Variants in ZMIZ2 observed in about 807,000 individuals in gnomAD.
ZMIZ2 encodes the protein zinc finger MIZ domain-containing protein 2.
In ZMIZ2, 26 loss-of-function variants were observed where a neutral mutation model predicts 93.9. The ratio of observed to expected loss-of-function variants is 0.28; its 90% CI spans 0.20 to 0.38. The LOEUF is 0.38. Among genes scored for constraint, ZMIZ2 ranks in the 10% least tolerant of loss-of-function variants. The pLI is 1.00. For synonymous variants in ZMIZ2, 485 were observed against 516.4 expected, an observed-to-expected ratio of 0.94 and a Z score of 0.82; for missense variants, 1,023 against 1,235.0, an observed-to-expected ratio of 0.83 and a Z score of 2.57.
chr7:44,748,730 C>G (rs1789840768), upstream of ZMIZ2: 1 of 150,414 alleles, frequency 6.6e-6, no homozygotes, highest in Non-Finnish European at 1.5e-5. Flanking sequence ...TTGGGCCGCT[C>G]GGGCTCGCGG....
intron 11 of ZMIZ2, among the ~76,000 whole-genome samples, chr7:44,762,201 T>C (rs1163859150): frequency 1.3e-5 from 2 of 152,238 alleles, no homozygotes; most frequent in East Asian, 3.8e-4. Context: ...GTTACTGCCT[T>C]GTATTTCTAT....
At position 44,761,651 on chromosome 7, in the gene ZMIZ2, T is replaced by C; in HGVS notation, c.1386-44T>C. The C allele has an allele frequency of 6.2e-7, 1 of 1,613,200 alleles. No homozygotes were observed. The highest frequency in any genetic ancestry group is 8.5e-7 in the Non-Finnish European group (1 of 1,179,558). ...CGAGGCTCTGTTCCTCCTCCCACAC[T>C]CTCAGGGCCCGTTTTCTGGGTGTCC... On this transcript the variant is annotated intron_variant, in intron 10 of 18. Coordinates refer to ENST00000309315, the MANE Select transcript of ZMIZ2 (RefSeq NM_031449.4). This position sits in a 1 kb window ranked among gnomAD's most constrained non-coding sequence, Gnocchi z 5.8.
chr7:44,759,001 G>A lies in ZMIZ2; in HGVS notation c.814-280G>A, dbSNP rs548818829. ...GGAGGCTGAGGCAGGAGAATTGCTT[G>A]AACCCAGGAGGTGGAGGCTGCAGTG... On this transcript the variant is annotated intron_variant, in intron 6 of 18. Transcript: ENST00000309315. Among the ~76,000 whole-genome samples the A allele has an allele frequency of 7.5e-5, 11 of 147,530 alleles. No homozygotes were observed. The South Asian group carries it at 1.8e-3, about 24-fold the overall frequency.
In ZMIZ2 at chr7:44,761,731, C is replaced by G; in HGVS notation, c.1422C>G (p.His474Gln). The G allele has an allele frequency of 6.2e-7, 1 of 1,614,130 alleles. No homozygotes were observed. The highest frequency in any genetic ancestry group is 1.3e-5 in the African/African-American group (1 of 75,064). Residue 474 changes from histidine to glutamine, a missense_variant, in exon 11 of 19, where the codon CAC becomes CAG. Transcript: ENST00000309315. This position sits in a 1 kb window ranked among gnomAD's most constrained non-coding sequence, Gnocchi z 5.8. ...AGCTGCAATTCAAGTGCTACCACCA[C>G]GAGGACCGGCAGATGAACACCAACT... The part of the protein sequence containing the change: ...DLELQFKCYH[H>Q]EDRQMNTNWP...
At chr7:44,767,389 T>G in intron 18 of ZMIZ2, 127 bp from the exon 19 acceptor site, 1 of 826,932 alleles carries the variant, frequency 1.2e-6, no homozygotes, top group Non-Finnish European at 2.0e-6. Context: ...CCGGCCTGTG[T>G]GTGAGGAGGG....
intron 1 of ZMIZ2, among the ~76,000 whole-genome samples, chr7:44,750,320 C>T (rs1790026338): frequency 1.3e-5 from 2 of 152,196 alleles, no homozygotes; most frequent in African/African-American, 4.8e-5. Context: ...GACTTAGCCC[C>T]ACGCTTAGAC....
rs550193404 is a variant in ZMIZ2, at chr7:44,749,017, C to T, written c.-63+26C>T. On this transcript the variant is annotated intron_variant, in intron 1 of 18. Transcript: ENST00000309315. ...GTGAGCGGGGTCCTGGGGGTGGCCC[C>T]TGGCAACGCCGCCAGCAGGCAGGTG... is the stretch of plus-strand genomic sequence containing the variant. 404 of 151,952 alleles carry T rather than the reference C, an allele frequency of 2.7e-3. 2 individuals are homozygous for T. The highest frequency in any genetic ancestry group is 4.5e-3 in the Non-Finnish European group (308 of 68,040). The allele number at this position is 151,952 out of a possible 1,614,324, so 9.4% of individuals were successfully genotyped here.
At chr7:44,760,000 G>C in intron 7 of ZMIZ2, 151 bp from the exon 8 acceptor site, 1 of 796,050 alleles carries the variant, frequency 1.3e-6, no homozygotes, top group Non-Finnish European at 2.0e-6. Flanking sequence ...CTGTGGCTAT[G>C]ATTGCTTTAA....
At position 44,759,362 on chromosome 7, in the gene ZMIZ2, C is replaced by T. The variant is rs1240694841; in HGVS notation, c.895C>T (p.Pro299Ser). ...GTTTGCGCCCAGCCCTGGGCAGCCC[C>T]CTGCCCCCTCCCCTTCCTACCCTGG... is the stretch of plus-strand genomic sequence containing the variant. Reference protein sequence around the residue: ...AQFAPSPGQPPAPSPSYPGHR... With the variant: ...AQFAPSPGQPSAPSPSYPGHR... Residue 299 changes from proline to serine, a missense_variant, in exon 7 of 19, where the codon CCT becomes TCT. Physicochemically the swap from Pro to Ser is moderately conservative, Grantham distance 74 (BLOSUM62 -1). Coordinates refer to ENST00000309315, the MANE Select transcript of ZMIZ2 (RefSeq NM_031449.4). 1 of 1,605,616 alleles carries T rather than the reference C, an allele frequency of 6.2e-7. No homozygotes were observed. The highest frequency in any genetic ancestry group is 8.5e-7 in the Non-Finnish European group (1 of 1,176,308).
chr7:44,750,789 A>G (rs1222046334), intron 1 of ZMIZ2, among the ~76,000 whole-genome samples: 3 of 151,848 alleles, frequency 2.0e-5, no homozygotes, highest in African/African-American at 7.3e-5. Context: ...AAGGGGTCCT[A>G]GCTTCCAGCT....
chr7:44,749,528 C>G (rs1316912497), intron 1 of ZMIZ2, among the ~76,000 whole-genome samples: 2 of 152,176 alleles, frequency 1.3e-5, no homozygotes, highest in Non-Finnish European at 2.9e-5. Flanking sequence ...GCGGCCAGCC[C>G]CCAGCTGCCA....
In ZMIZ2 at chr7:44,757,023, C is replaced by A. The variant is rs1054439432; in HGVS notation, c.242C>A (p.Ser81Tyr). 1 of 1,612,346 alleles carries A rather than the reference C, an allele frequency of 6.2e-7. No individual in the cohort carries two copies. The highest frequency in any genetic ancestry group is 1.1e-5 in the South Asian group (1 of 91,012). ...ATGCCTGGTGTGGCAGGGGGCAGCT[C>A]CGCCTTGACCTCCCCACAGTGCCTG... ...SMMPGVAGGSSALTSPQCLGQ... is the reference protein window; with the variant it reads ...SMMPGVAGGSYALTSPQCLGQ... Residue 81 changes from serine (S) to tyrosine (Y), a missense_variant, in exon 4 of 19, where the codon TCC becomes TAC. Physicochemically the swap from Ser to Tyr is moderately radical, Grantham distance 144. This residue lies in a region of ZMIZ2 where 656 missense variants were observed against 777.1 expected (regional missense o/e 0.84). Transcript: ENST00000309315.
Position 44,757,876 on chromosome 7 carries a change from A to C in ZMIZ2, c.581A>C (p.Gln194Pro), listed in dbSNP as rs1321448283. ...GGGGCCGGACAGTCTTTTAACAGCC[A>C]GTTTCTGCAGCATGGAGGTCCCCGG... ...AMGAGQSFNS[Q>P]FLQHGGPRGP... The change falls in exon 6 of 19, where the codon CAG becomes CCG. Residue 194 changes from glutamine (Q) to proline (P), a missense_variant. Gln to Pro is a moderately conservative substitution (Grantham distance 76, BLOSUM62 -1). Transcript: ENST00000309315. 1 of 1,592,008 alleles carries C rather than the reference A, an allele frequency of 6.3e-7. No homozygotes were observed. Among genetic ancestry groups the C allele is most frequent in the South Asian group, 1.1e-5 (1 of 88,244 alleles).
intron 13 of ZMIZ2, among the ~76,000 whole-genome samples, chr7:44,764,139 G>C (rs187987303): frequency 6.6e-6 from 1 of 152,056 alleles, no homozygotes; most frequent in South Asian, 2.1e-4. Context: ...CTCTTGTCTC[G>C]AAACAAAACA....
intron 9 of ZMIZ2, 117 bp downstream of exon 9, chr7:44,760,710 C>G: frequency 1.5e-6 from 2 of 1,333,678 alleles, no homozygotes; most frequent in East Asian, 4.6e-5. Flanking sequence ...CTGCCATATC[C>G]CTAAGAAAAG....
chr7:44,764,379 C>A (rs1433413447), intron 13 of ZMIZ2, 40 bp from the exon 14 acceptor site: 12 of 1,604,714 alleles, frequency 7.5e-6, no homozygotes, highest in Non-Finnish European at 1.0e-5. Context: ...CCCTGTGCTA[C>A]CCACAATGAG....
rs1791888649 is a variant in ZMIZ2 at position 44,768,054 on chromosome 7, C to G, written c.*431C>G. 4.6e-6 allele frequency: 1 copy of G among 216,998 alleles called. No individual in the cohort carries two copies. The highest frequency in any genetic ancestry group is 9.3e-6 in the Non-Finnish European group (1 of 107,478). 13.4% of individuals were successfully genotyped at this position (216,998 alleles called of 1,614,324 possible). On this transcript the variant is annotated 3_prime_UTR_variant, in exon 19 of 19. Transcript: ENST00000309315. ...CCACTGGGCAGAGCTGGGCATCTGG[C>G]AGGGCTGGCTCTGTCCCCTGGGCCT...
chr7:44,759,378 C>T lies in ZMIZ2; in HGVS notation c.911C>T (p.Ser304Phe). Residue 304 changes from serine (S) to phenylalanine (F), a missense_variant, in exon 7 of 19, where the codon TCC becomes TTC. Ser to Phe is a radical substitution (Grantham distance 155, BLOSUM62 -2). Around this residue, in one of 3 missense-constraint regions of ZMIZ2, gnomAD observed 656 missense variants for 777.1 expected, o/e 0.84. Transcript: ENST00000309315. ...GGGCAGCCCCCTGCCCCCTCCCCTT[C>T]CTACCCTGGGCACAGGCTGCCCCTG... The part of the protein sequence containing the change: ...SPGQPPAPSP[S>F]YPGHRLPLQQ... 6.2e-7 allele frequency: 1 copy of T among 1,605,534 alleles called. No homozygotes were observed. The highest frequency in any genetic ancestry group is 1.3e-5 in the African/African-American group (1 of 74,510).
chr7:44,757,362 C>A lies in ZMIZ2; in HGVS notation c.369-16C>A, dbSNP rs1790694565. The A allele has an allele frequency of 6.3e-7, 1 of 1,595,612 alleles. No individual in the cohort carries two copies. Among genetic ancestry groups the A allele is most frequent in the Admixed American group, 1.7e-5 (1 of 59,566 alleles). On this transcript the variant is annotated splice_polypyrimidine_tract_variant and intron_variant, in intron 4 of 18. Transcript: ENST00000309315. The stretch of plus-strand genomic sequence containing the variant: ...GAGCCCACGCAGAGAGCGTGGCAAT[C>A]CTGTGTCTCCTGCAGGTATGCAGGC...
Sources: allele counts gnomAD v4.1 joint callset (sites outside exome capture counted in the v4.1 genomes callset), GRCh38; gene constraint gnomAD v4.1.1; regional missense constraint gnomAD v4.1.1; non-coding constraint Gnocchi (gnomAD v3.1); transcripts MANE v1.5; gene names NCBI Gene and HGNC (gene_info 2026-07-23, HGNC 2026-07-21).